Variants in RICTOR observed in about 807,000 individuals in gnomAD.
RICTOR encodes rapamycin-insensitive companion of mTOR.
Under a neutral mutation model 214.9 loss-of-function variants are expected in RICTOR, and 49 were observed. That is an observed-to-expected ratio of 0.23 (90% CI 0.18 to 0.29). The LOEUF (loss-of-function observed/expected upper bound fraction) is 0.29, where lower values mean the gene tolerates loss of function less well. Ranked by LOEUF, RICTOR falls within the 10% of genes least tolerant of loss-of-function variation. RICTOR has a pLI of 1.00. For synonymous variants in RICTOR, 717 were observed against 711.3 expected (o/e 1.01, Z -0.13); for missense variants, 1,625 against 2,047.0 (o/e 0.79, Z 3.98).
At chr5:38,983,085 C>A (rs1197739550) in intron 7 of RICTOR, among the ~76,000 whole-genome samples, 4 of 152,084 alleles carry the variant, frequency 2.6e-5, no homozygotes. Context: ...CTAGAAAGAT[C>A]TCTCACATTA....
intron 2 of RICTOR, among the ~76,000 whole-genome samples, chr5:39,038,977 A>T (rs1224649784): frequency 6.6e-6 from 1 of 152,204 alleles, no homozygotes; most frequent in Non-Finnish European, 1.5e-5. Flanking sequence ...TTTAAAGTTC[A>T]TATGGAACCA....
intron 2 of RICTOR, among the ~76,000 whole-genome samples, chr5:39,037,536 T>G (rs1242411472): frequency 6.6e-6 from 1 of 152,064 alleles, no homozygotes; most frequent in Non-Finnish European, 1.5e-5. Flanking sequence ...GGAGCTGGTT[T>G]TTTGAAAAGA....
intron 26 of RICTOR, 35 bp downstream of exon 26, chr5:38,955,560 T>C (rs187513492): frequency 5.1e-4 from 536 of 1,052,836 alleles, no homozygotes; most frequent in Middle Eastern, 3.7e-3. Flanking sequence ...TAATTTATGA[T>C]GAACTAGTTT....
chr5:38,946,370 G>A, intron 33 of RICTOR, 98 bp downstream of exon 33: 1 of 742,904 alleles, frequency 1.3e-6, no homozygotes, highest in South Asian at 1.8e-5. Context: ...CCAAAAGTGA[G>A]TCTTCCTAAA....
At chr5:39,058,824 C>G (rs1033406396) in intron 2 of RICTOR, among the ~76,000 whole-genome samples, 1 of 152,004 alleles carries the variant, frequency 6.6e-6, no homozygotes, top group Admixed American at 6.6e-5. Context: ...TACTAGATTA[C>G]AATTCTAATT....
At chr5:39,023,208 G>GA (rs1201527415) in intron 2 of RICTOR, among the ~76,000 whole-genome samples, 1 of 148,656 alleles carries the variant, frequency 6.7e-6, no homozygotes, top group African/African-American at 2.5e-5. Flanking sequence ...AATAATGAAA[G>GA]AAAAAATGCT....
intron 23 of RICTOR, 67 bp downstream of exon 23, chr5:38,958,600 T>C (rs1749520591): frequency 6.6e-7 from 1 of 1,509,876 alleles, no homozygotes; most frequent in Non-Finnish European, 9.1e-7. Flanking sequence ...TTATATACTT[T>C]TACATAATTG....
chr5:38,990,597 GAT>G lies in RICTOR; in HGVS notation c.583+350_583+351del, dbSNP rs1345378791. On this transcript the variant is annotated intron_variant, in intron 7 of 37. Transcript: ENST00000357387. ...TATATGATATATACATGATATATAC[GAT>G]ATATATGATATATATACGATATATG... is the stretch of plus-strand genomic sequence containing the variant. 1.2e-3 allele frequency among the ~76,000 whole-genome samples: 135 copies of G among 115,806 alleles called. 13 individuals carry two copies. In the East Asian group the frequency reaches 0.015, roughly 13 times the overall value. 76.0% of individuals were successfully genotyped at this position (115,806 alleles called of 152,430 possible).
In RICTOR at chr5:38,949,796, A is replaced by C; in HGVS notation, c.4052T>G (p.Leu1351Trp). 2 of 1,613,524 alleles carry C rather than the reference A, an allele frequency of 1.2e-6. No individual in the cohort carries two copies. The highest frequency in any genetic ancestry group is 1.7e-6 in the Non-Finnish European group (2 of 1,179,576). ...TAGCACATCTTTTGCTGGAGATGCC[A>C]AAGCTTCAGAGTGAGATAAGGATGG... The part of the protein sequence containing the change: ...MHPSLSHSEA[L>W]ASPAKDVLFT... Residue 1351 changes from leucine to tryptophan, a missense_variant, in exon 31 of 38, where the codon TTG becomes TGG. Transcript: ENST00000357387.
chr5:38,944,263 A>G (rs574190505), intron 36 of RICTOR, 183 bp downstream of exon 36: 2 of 674,986 alleles, frequency 3.0e-6, no homozygotes, highest in East Asian at 5.8e-5. Context: ...TCTACATTCA[A>G]TCTGTTGCCA....
chr5:39,020,561 T>C (rs989856383), intron 3 of RICTOR, among the ~76,000 whole-genome samples: 1 of 152,224 alleles, frequency 6.6e-6, no homozygotes, highest in Non-Finnish European at 1.5e-5. Context: ...CATAATGCTA[T>C]TGCACACTTA....
chr5:39,049,707 C>T (rs938931684), intron 2 of RICTOR, among the ~76,000 whole-genome samples: 1 of 150,560 alleles, frequency 6.6e-6, no homozygotes, highest in Non-Finnish European at 1.5e-5. Context: ...GGAGCGCAGT[C>T]CAGGTAGAAC....
rs1474128826 is a variant in RICTOR, at chr5:38,952,431, T to C, written c.2898-6A>G. The C allele has an allele frequency of 6.4e-7, 1 of 1,556,378 alleles. No individual in the cohort carries two copies. The highest frequency in any genetic ancestry group is 1.7e-5 in the Admixed American group (1 of 59,342). ...CAAGTACATATACACAGGTCCTGTATATAAAAGATGCAGTAAAAACAGTTA... is the reference window on the plus strand; with the variant it reads ...CAAGTACATATACACAGGTCCTGTACATAAAAGATGCAGTAAAAACAGTTA... On this transcript the variant is annotated splice_region_variant and splice_polypyrimidine_tract_variant and intron_variant, in intron 29 of 37. Coordinates refer to ENST00000357387, the MANE Select transcript of RICTOR (RefSeq NM_152756.5).
chr5:39,004,266 T>G (rs1753854190), intron 3 of RICTOR, among the ~76,000 whole-genome samples: 1 of 152,178 alleles, frequency 6.6e-6, no homozygotes, highest in Non-Finnish European at 1.5e-5. Context: ...AATGATTTTC[T>G]TGGTTTTTAT....
Position 38,950,738 on chromosome 5 carries a change from A to G in RICTOR, c.3128-18T>C, listed in dbSNP as rs1292272106. On this transcript the variant is annotated intron_variant, in intron 30 of 37. Coordinates refer to ENST00000357387, the MANE Select transcript of RICTOR (RefSeq NM_152756.5). ...GAACATACCTATGATTGAAGGATCA[A>G]TTAATAAAAACACATATAAAATGAC... 1 of 1,533,146 alleles carries G rather than the reference A, an allele frequency of 6.5e-7. No homozygotes were observed. Among genetic ancestry groups the G allele is most frequent in the African/African-American group, 1.4e-5 (1 of 71,830 alleles). The allele number at this position is 1,533,146 out of a possible 1,614,324, so 95.0% of individuals were successfully genotyped here. A position where few individuals can be genotyped will look rare whatever the true frequency, so the allele number is the denominator to read the frequency against.
rs1748210370 is a variant in RICTOR, at chr5:38,946,495, C to T, written c.4372G>A (p.Ala1458Thr). 1 of 1,611,452 alleles carries T rather than the reference C, an allele frequency of 6.2e-7. No individual in the cohort carries two copies. Among genetic ancestry groups the T allele is most frequent in the African/African-American group, 1.3e-5 (1 of 74,970 alleles). The change falls in exon 33 of 38, where the codon GCA (alanine) becomes ACA (threonine). Residue 1458 changes from alanine to threonine, a missense_variant. By Grantham distance (58) the Ala-to-Thr change is moderately conservative (BLOSUM62 0). Transcript: ENST00000357387. Reference protein sequence around the residue: ...KNIPPHDDRGARAFAHDAGGL... With the variant: ...KNIPPHDDRGTRAFAHDAGGL... ...CCTGCATCATGGGCAAATGCTCTTG[C>T]ACCTCGATCATCATGTGGTGGTATG...
At chr5:38,972,642 C>T (rs918750706) in intron 10 of RICTOR, among the ~76,000 whole-genome samples, 1 of 152,082 alleles carries the variant, frequency 6.6e-6, no homozygotes, top group African/African-American at 2.4e-5. Context: ...CTGGGAGTCA[C>T]ATATGCTGAT....
chr5:39,012,180 C>A (rs187492985), intron 3 of RICTOR, among the ~76,000 whole-genome samples: 1 of 152,286 alleles, frequency 6.6e-6, no homozygotes, highest in East Asian at 1.9e-4. Flanking sequence ...AGAGAACTCA[C>A]TCACTATCAC....
In RICTOR at chr5:38,950,963, A is replaced by G. The variant is rs916898958; in HGVS notation, c.3128-243T>C. 2.3e-4 allele frequency among the ~76,000 whole-genome samples: 35 copies of G among 152,084 alleles called. 1 individual carries two copies. Among genetic ancestry groups the G allele is most frequent in the Admixed American group, 2.1e-3 (32 of 15,234 alleles). On this transcript the variant is annotated intron_variant, in intron 30 of 37. Coordinates refer to ENST00000357387, the MANE Select transcript of RICTOR (RefSeq NM_152756.5). ...CTGTTATTTCCAAAGAAAAATTATT[A>G]TAAGACCCACTATGGCACAGGTTAC... is the stretch of plus-strand genomic sequence containing the variant.
Sources: allele counts gnomAD v4.1 joint callset (sites outside exome capture counted in the v4.1 genomes callset), GRCh38; gene constraint gnomAD v4.1.1; transcripts MANE v1.5; gene names NCBI Gene and HGNC (gene_info 2026-07-23, HGNC 2026-07-21).